LDHC: variants seen among roughly 807,000 people sequenced by gnomAD.
The protein encoded by LDHC is lactate dehydrogenase C.
A neutral mutation model predicts 30.2 loss-of-function variants in LDHC; 20 were observed. The ratio of observed to expected loss-of-function variants is 0.66; its 90% CI spans 0.47 to 0.96. The LOEUF (loss-of-function observed/expected upper bound fraction) is 0.96, where lower values mean the gene tolerates loss of function less well. LDHC is among the 40% of genes least tolerant of loss of function. LDHC has a pLI of 0.00. For synonymous variants in LDHC, 139 were observed against 132.7 expected (o/e 1.05, Z -0.32); for missense variants, 362 against 394.9 (o/e 0.92, Z 0.71).
At chr11:18,430,322 T>C (rs1013470702) in intron 4 of LDHC, among the ~76,000 whole-genome samples, 7 of 152,180 alleles carry the variant, frequency 4.6e-5, no homozygotes, top group Non-Finnish European at 1.0e-4. Flanking sequence ...TATACATTTT[T>C]TTGTTTGTGT....
intron 6 of LDHC, among the ~76,000 whole-genome samples, chr11:18,439,830 A>C (rs558830180): frequency 0.01 from 1,186 of 115,792 alleles, 25 homozygotes; most frequent in African/African-American, 0.036. Flanking sequence ...AAAAAAAAAA[A>C]AAAAAACAAA....
intron 4 of LDHC, among the ~76,000 whole-genome samples, chr11:18,431,215 C>G (rs1848259750): frequency 1.3e-5 from 2 of 152,014 alleles, no homozygotes; most frequent in African/African-American, 2.4e-5. Flanking sequence ...CCCCGCAACA[C>G]TTTGGGAGCC....
At chr11:18,426,116 A>G (rs1336926069) in intron 3 of LDHC, among the ~76,000 whole-genome samples, 2 of 151,908 alleles carry the variant, frequency 1.3e-5, no homozygotes, top group African/African-American at 2.4e-5. Context: ...CCTGGGTTCA[A>G]GTGACCCTCT....
At chr11:18,441,780 C>A (rs567890843) in intron 6 of LDHC, among the ~76,000 whole-genome samples, 4 of 152,104 alleles carry the variant, frequency 2.6e-5, no homozygotes, top group Non-Finnish European at 5.9e-5. Context: ...GGCTTGGTGG[C>A]GGGCGCCTGT....
intron 7 of LDHC, among the ~76,000 whole-genome samples, 185 bp downstream of exon 7, chr11:18,446,518 G>A (rs1251158278): frequency 6.6e-6 from 1 of 152,232 alleles, no homozygotes; most frequent in Non-Finnish European, 1.5e-5. Flanking sequence ...TCCTGAAAGA[G>A]AACCAGGTTT....
intron 3 of LDHC, among the ~76,000 whole-genome samples, chr11:18,428,203 A>C (rs1590228022): frequency 1.0e-5 from 1 of 100,390 alleles, no homozygotes; most frequent in African/African-American, 4.1e-5. Context: ...ACAGAGTCTC[A>C]CTCTGTCACA....
chr11:18,424,990 A>G (rs527348252), intron 3 of LDHC, among the ~76,000 whole-genome samples: 86 of 152,346 alleles, frequency 5.6e-4, no homozygotes, highest in African/African-American at 2.0e-3. Flanking sequence ...CCTGGGTGAT[A>G]GAGCCATCTC....
Position 18,451,078 on chromosome 11 carries a change from A to G in LDHC, c.950A>G (p.Lys317Arg), listed in dbSNP as rs1390293150. Reference protein sequence around the residue: ...NLNSEEEALFKKSAETLWNIQ... With the variant: ...NLNSEEEALFRKSAETLWNIQ... ...AATTCTGAGGAGGAGGCCCTTTTCA[A>G]GAAGAGTGCAGAAACACTTTGGAAT... is the stretch of plus-strand genomic sequence containing the variant. Residue 317 changes from lysine to arginine, a missense_variant, in exon 8 of 8, where the codon AAG (lysine) becomes AGG (arginine). Physicochemically the swap from Lys to Arg is conservative, Grantham distance 26. Transcript: ENST00000541669. The G allele has an allele frequency of 6.3e-6, 10 of 1,581,632 alleles. No homozygotes were observed.
chr11:18,438,633 A>C lies in LDHC; in HGVS notation c.698A>C (p.Gln233Pro). 6.4e-7 allele frequency: 1 copy of C among 1,562,388 alleles called. No homozygotes were observed. The highest frequency in any genetic ancestry group is 8.8e-7 in the Non-Finnish European group (1 of 1,133,140). The change falls in exon 6 of 8, where the codon CAA (glutamine) becomes CCA (proline). Residue 233 changes from glutamine to proline, a missense_variant. Transcript: ENST00000541669. ...GAACACTGGAAAAATATCCATAAAC[A>C]AGTTATTCAAAGGTAATAGTACCTA... ...DKEHWKNIHK[Q>P]VIQSAYEIIK...
At position 18,422,763 on chromosome 11, in the gene LDHC, G is replaced by C. The variant is rs562370357; in HGVS notation, c.245-6974G>C. 5.3e-5 allele frequency among the ~76,000 whole-genome samples: 8 copies of C among 151,782 alleles called. No individual in the cohort carries two copies. In the South Asian group the frequency reaches 1.7e-3, roughly 32 times the overall value. On this transcript the variant is annotated intron_variant, in intron 3 of 7. Transcript: ENST00000541669. ...TTTGGGAAGCCGAGGCGGGAGTATC[G>C]CTTGAGTGGAGGAGTTTAAGACCAG... is the stretch of plus-strand genomic sequence containing the variant.
At chr11:18,434,372 GGT>G (rs888279939) in intron 4 of LDHC, among the ~76,000 whole-genome samples, 2 of 151,934 alleles carry the variant, frequency 1.3e-5, no homozygotes, top group Non-Finnish European at 2.9e-5. Flanking sequence ...ATTTTTGGGG[GGT>G]GTTGACGAGC....
chr11:18,424,074 G>A (rs1565049012), intron 3 of LDHC, among the ~76,000 whole-genome samples: 1 of 152,094 alleles, frequency 6.6e-6, no homozygotes, highest in South Asian at 2.1e-4. Context: ...ATATAGGAGT[G>A]TAGTAAAACC....
At chr11:18,443,823 GA>G (rs1298018799) in intron 6 of LDHC, among the ~76,000 whole-genome samples, 1 of 152,156 alleles carries the variant, frequency 6.6e-6, no homozygotes, top group East Asian at 1.9e-4. Context: ...ATTTCCCATT[GA>G]AGTCCTGTGT....
chr11:18,432,729 CTT>C (rs1848289240), intron 4 of LDHC, among the ~76,000 whole-genome samples: 1 of 152,198 alleles, frequency 6.6e-6, no homozygotes, highest in Non-Finnish European at 1.5e-5. Context: ...CTCTTTGTCT[CTT>C]TTAACTGCTG....
At chr11:18,415,360 CCAAA>C in intron 3 of LDHC, 59 bp downstream of exon 3, 4 of 845,532 alleles carry the variant, frequency 4.7e-6, no homozygotes. Context: ...ATAAATTTTA[CCAAA>C]CAGATGTCAA....
intron 6 of LDHC, among the ~76,000 whole-genome samples, chr11:18,443,132 G>A (rs980256191): frequency 1.3e-5 from 2 of 152,104 alleles, no homozygotes; most frequent in African/African-American, 4.8e-5. Context: ...CTTTGAATGA[G>A]AGGTTAAATT....
chr11:18,417,176 A>G (rs1043239557), intron 3 of LDHC, among the ~76,000 whole-genome samples: 1 of 151,594 alleles, frequency 6.6e-6, no homozygotes, highest in Non-Finnish European at 1.5e-5. Flanking sequence ...GAGCCACCGC[A>G]CCCGGCCTGG....
intron 7 of LDHC, among the ~76,000 whole-genome samples, chr11:18,447,978 G>T (rs537722397): frequency 6.7e-6 from 1 of 150,364 alleles, no homozygotes. Flanking sequence ...GAACCCAGGA[G>T]GTACAAGCTG....
At chr11:18,414,792 A>G (rs933252608) in intron 2 of LDHC, among the ~76,000 whole-genome samples, 2 of 152,164 alleles carry the variant, frequency 1.3e-5, no homozygotes, top group South Asian at 2.1e-4. Context: ...GTGCCACTGC[A>G]CTCCAGCCTG....
Sources: allele counts gnomAD v4.1 joint callset (sites outside exome capture counted in the v4.1 genomes callset), GRCh38; gene constraint gnomAD v4.1.1; transcripts MANE v1.5; gene names NCBI Gene and HGNC (gene_info 2026-07-23, HGNC 2026-07-21).